The following DHX36 variants were observed in gnomAD, a reference collection of about 807,000 sequenced individuals.
DHX36 encodes the protein DEAH-box helicase 36, also known as ATP-dependent DNA/RNA helicase DHX36.
A neutral mutation model predicts 139.0 loss-of-function variants in DHX36; 50 were observed. The ratio of observed to expected loss-of-function variants is 0.36; its 90% CI spans 0.29 to 0.46. The LOEUF (loss-of-function observed/expected upper bound fraction) is 0.46. DHX36 is among the 20% of genes least tolerant of loss of function. DHX36 has a pLI of 1.00. For missense variants in DHX36, 1,024 were observed against 1,211.3 expected, an observed-to-expected ratio of 0.85 and a Z score of 2.29; for synonymous variants, 425 against 401.9, an observed-to-expected ratio of 1.06 and a Z score of -0.69.
rs200020002 is a variant in DHX36 at position 154,284,568 on chromosome 3, A to ATTT, written c.2292+12_2292+14dup. The ATTT allele has an allele frequency of 9.8e-6, 13 of 1,326,128 alleles. No homozygotes were observed. The highest frequency in any genetic ancestry group is 4.2e-5 in the South Asian group (3 of 71,704). The allele number at this position is 1,326,128 out of a possible 1,614,324, so 82.1% of individuals were successfully genotyped here. On this transcript the variant is annotated intron_variant, in intron 19 of 24. Transcript: ENST00000496811. ...ATAAACTATCATAATCCAGGACAAA[A>ATTT]TTTTTTTTTTTTACCTCAAACGCAT...
At position 154,293,800 on chromosome 3, in the gene DHX36, T is replaced by C. The variant is rs1711920192; in HGVS notation, c.1618A>G (p.Thr540Ala). The C allele has an allele frequency of 6.2e-7, 1 of 1,612,354 alleles. No homozygotes were observed. Among genetic ancestry groups the C allele is most frequent in the Non-Finnish European group, 8.5e-7 (1 of 1,178,840 alleles). Residue 540 changes from threonine to alanine, a missense_variant, in exon 14 of 25, where the codon ACC becomes GCC. Physicochemically the swap from Thr to Ala is moderately conservative, Grantham distance 58. Transcript: ENST00000496811. ...ACTATTTTCCGAACACCAGGAGGGG[T>C]TCTTTTAAACACCTGTAAAAATAAA... is the stretch of plus-strand genomic sequence containing the variant. ...TVNQTQVFKR[T>A]PPGVRKIVIA...
chr3:154,316,087 T>A lies in DHX36; in HGVS notation c.320A>T (p.Asp107Val). Reference sequence around the variant, plus strand: ...GGATATCTGTGCTTCTGACTCTTTATCATTCTTCGCTTGAACAGAATTCAG... The same window carrying A: ...GGATATCTGTGCTTCTGACTCTTTAACATTCTTCGCTTGAACAGAATTCAG... ...QLLNSVQAKN[D>V]KESEAQISWF... The change falls in exon 2 of 25, where the codon GAT becomes GTT. Residue 107 changes from aspartate to valine, a missense_variant. By Grantham distance (152) the Asp-to-Val change is radical. Coordinates refer to ENST00000496811, the MANE Select transcript of DHX36 (RefSeq NM_020865.3). 6.2e-7 allele frequency: 1 copy of A among 1,613,408 alleles called. No homozygotes were observed. The highest frequency in any genetic ancestry group is 8.5e-7 in the Non-Finnish European group (1 of 1,179,598).
chr3:154,285,308 A>T (rs948696372), intron 17 of DHX36, among the ~76,000 whole-genome samples: 2 of 152,252 alleles, frequency 1.3e-5, no homozygotes, highest in Non-Finnish European at 2.9e-5. Context: ...CAAAAACAAA[A>T]GATACACTAT....
intron 5 of DHX36, among the ~76,000 whole-genome samples, chr3:154,307,938 T>C (rs989853930): frequency 6.6e-6 from 1 of 152,124 alleles, no homozygotes; most frequent in African/African-American, 2.4e-5. Context: ...TGGAATACTA[T>C]TTAGCTGTAA....
intron 5 of DHX36, among the ~76,000 whole-genome samples, chr3:154,306,835 A>G (rs1280908039): frequency 6.6e-6 from 1 of 152,150 alleles, no homozygotes; most frequent in Admixed American, 6.5e-5. Flanking sequence ...ATAATAAGGT[A>G]TTAGAAATAG....
At chr3:154,280,700 G>T in intron 21 of DHX36, 31 bp from the exon 22 acceptor site, 2 of 1,606,788 alleles carry the variant, frequency 1.2e-6, no homozygotes, top group East Asian at 4.5e-5. Flanking sequence ...GAGGGGAAAA[G>T]AAAAGTAAAA....
chr3:154,320,521 T>G (rs773120354), intron 1 of DHX36, among the ~76,000 whole-genome samples: 1 of 152,128 alleles, frequency 6.6e-6, no homozygotes, highest in African/African-American at 2.4e-5. Context: ...CAAATACTTA[T>G]CTCCAGTCTA....
chr3:154,321,926 C>CAAA (rs36004138), intron 1 of DHX36, among the ~76,000 whole-genome samples: 1,199 of 111,834 alleles, frequency 0.011, 34 homozygotes, highest in African/African-American at 0.036. Flanking sequence ...GACTCCAACT[C>CAAA]AAAAAAAAAA....
At chr3:154,304,652 T>C (rs13319067) in intron 8 of DHX36, among the ~76,000 whole-genome samples, 154 bp downstream of exon 8, 38,891 of 152,060 alleles carry the variant, frequency 0.26, 6,283 homozygotes, top group South Asian at 0.41. Flanking sequence ...ATAGACCCAA[T>C]TGTCTAATCC....
rs1719083804 is a variant in DHX36 at position 154,274,352 on chromosome 3, AAACT to A, written c.*1815_*1818del. On this transcript the variant is annotated 3_prime_UTR_variant, in exon 25 of 25. Coordinates refer to ENST00000496811, the MANE Select transcript of DHX36 (RefSeq NM_020865.3). ...CAAAACAAAACAAAAAACCAACAAAAAACTAACAATATCCTATTAAAAGTGGCTT... is the reference window on the plus strand; with the variant it reads ...CAAAACAAAACAAAAAACCAACAAAAAACAATATCCTATTAAAAGTGGCTT... The A allele has an allele frequency of 5.2e-6, 1 of 190,864 alleles. No homozygotes were observed. The highest frequency in any genetic ancestry group is 1.0e-4 in the South Asian group (1 of 9,792). 11.8% of individuals were successfully genotyped at this position (190,864 alleles called of 1,614,324 possible).
chr3:154,306,327 A>G, intron 5 of DHX36, 32 bp from the exon 6 acceptor site: 1 of 1,561,488 alleles, frequency 6.4e-7, no homozygotes, highest in South Asian at 1.1e-5. Context: ...AAGAGAATAT[A>G]ATTTCCTTTA....
intron 1 of DHX36, among the ~76,000 whole-genome samples, chr3:154,323,467 G>T (rs1713275708): frequency 6.6e-6 from 1 of 152,032 alleles, no homozygotes; most frequent in South Asian, 2.1e-4. Flanking sequence ...TTTTTTATTA[G>T]AATTTTATTT....
chr3:154,300,788 G>C (rs572004378), intron 10 of DHX36, 92 bp from the exon 11 acceptor site: 45 of 1,297,332 alleles, frequency 3.5e-5, no homozygotes, highest in African/African-American at 7.4e-5. Flanking sequence ...TCTGCAAATG[G>C]AGGAACATAA....
Position 154,284,884 on chromosome 3 carries a change from A to C in DHX36, c.2135T>G (p.Phe712Cys). ...AGTGAGTACTGGGTCTAAGCAGCAG[A>C]ACAGTGCTCCAAAAAGAATCATTTT... ...IGKMILFGALFCCLDPVLTIA... is the reference protein window; with the variant it reads ...IGKMILFGALCCCLDPVLTIA... Residue 712 changes from phenylalanine (F) to cysteine (C), a missense_variant, in exon 18 of 25, where the codon TTC becomes TGC. By Grantham distance (205) the Phe-to-Cys change is radical. Transcript: ENST00000496811. The C allele has an allele frequency of 1.2e-6, 2 of 1,614,202 alleles. No individual in the cohort carries two copies. Among genetic ancestry groups the C allele is most frequent in the Non-Finnish European group, 1.7e-6 (2 of 1,180,032 alleles).
chr3:154,291,134 CAAAAAAA>C (rs71152798), intron 15 of DHX36, among the ~76,000 whole-genome samples: 33 of 61,054 alleles, frequency 5.4e-4, no homozygotes, highest in Non-Finnish European at 7.5e-4. Flanking sequence ...GACTCCGTCT[CAAAAAAA>C]AAAAAAAAAA....
At chr3:154,280,424 T>C in intron 22 of DHX36, 155 bp downstream of exon 22, 1 of 605,536 alleles carries the variant, frequency 1.7e-6, no homozygotes, top group Non-Finnish European at 2.9e-6. Context: ...TACCAATGGC[T>C]AAACAGTTCA....
In DHX36 at chr3:154,276,045, CT is replaced by C; in HGVS notation, c.*125del. On this transcript the variant is annotated 3_prime_UTR_variant, in exon 25 of 25. Coordinates refer to ENST00000496811, the MANE Select transcript of DHX36 (RefSeq NM_020865.3). ...GTCATGCACATTAAGTCTTTACTACCTACTGAAGGCTTCTACCTTACACATG... is the reference window on the plus strand; with the variant it reads ...GTCATGCACATTAAGTCTTTACTACCACTGAAGGCTTCTACCTTACACATG... The C allele has an allele frequency of 1.4e-6, 1 of 701,238 alleles. No individual in the cohort carries two copies. The allele number at this position is 701,238 out of a possible 1,614,324, so 43.4% of individuals were successfully genotyped here. A position where few individuals can be genotyped will look rare whatever the true frequency, so the allele number is the denominator to read the frequency against.
intron 15 of DHX36, among the ~76,000 whole-genome samples, chr3:154,290,945 T>C (rs1397551927): frequency 6.6e-6 from 1 of 150,434 alleles, no homozygotes; most frequent in Non-Finnish European, 1.5e-5. Context: ...CCATCCCGGC[T>C]AAAACGGTGA....
At chr3:154,314,768 A>G (rs1432738853) in intron 3 of DHX36, 1 of 273,478 alleles carries the variant, frequency 3.7e-6, no homozygotes, top group Non-Finnish European at 6.8e-6. Flanking sequence ...CTGGCCTAGA[A>G]AAGCTGAAGA....
Sources: allele counts gnomAD v4.1 joint callset (sites outside exome capture counted in the v4.1 genomes callset), GRCh38; gene constraint gnomAD v4.1.1; transcripts MANE v1.5; gene names NCBI Gene and HGNC (gene_info 2026-07-23, HGNC 2026-07-21).